Variants in C13orf46 observed in about 807,000 individuals in gnomAD.
The protein encoded by C13orf46 is chromosome 13 open reading frame 46, also known as uncharacterized protein C13orf46.
rs1250938423 is a variant in C13orf46 at position 113,969,562 on chromosome 13, G to A, written c.242+609C>T. On this transcript the variant is annotated intron_variant, in intron 2 of 6. Coordinates refer to ENST00000636427, the MANE Select transcript of C13orf46 (RefSeq NM_001365455.2). ...TCAACGGGAGCCATTTGTAAATAAG[G>A]GGGACTTGGCCCGTGCCTTGCCATG... 5.3e-5 allele frequency among the ~76,000 whole-genome samples: 8 copies of A among 152,366 alleles called. No individual in the cohort carries two copies. The East Asian group carries it at 1.5e-3, about 29-fold the overall frequency.
chr13:113,945,624 GAAAGAA>G, the C13orf46 span, among the ~76,000 whole-genome samples: 1 of 126,324 alleles, frequency 7.9e-6, no homozygotes, highest in Middle Eastern at 3.7e-3. Flanking sequence ...AAGAAAGAAA[GAAAGAA>G]AGAAAGAAAG....
intron 2 of C13orf46, among the ~76,000 whole-genome samples, chr13:113,969,601 G>A (rs1369608481): frequency 2.0e-5 from 3 of 152,328 alleles, no homozygotes; most frequent in East Asian, 1.9e-4. Flanking sequence ...CTGGTAAATC[G>A]ACTTTGTTAG....
At chr13:113,963,392 CCT>C (rs1167086659) in intron 6 of C13orf46, among the ~76,000 whole-genome samples, 5 of 142,544 alleles carry the variant, frequency 3.5e-5, no homozygotes, top group Non-Finnish European at 6.1e-5. Context: ...CAGCCTCGCC[CCT>C]GTCCTCAGCC....
the C13orf46 span, among the ~76,000 whole-genome samples, chr13:113,929,046 A>AAT: frequency 2.0e-5 from 3 of 152,212 alleles, no homozygotes; most frequent in Admixed American, 6.5e-5. Flanking sequence ...GTCAGGAGGT[A>AAT]ATAACCGCCA....
chr13:113,930,828 C>T, the C13orf46 span, among the ~76,000 whole-genome samples: 1 of 152,226 alleles, frequency 6.6e-6, no homozygotes, highest in Non-Finnish European at 1.5e-5. Flanking sequence ...TCCAGGGGCC[C>T]TCCCAGGGAG....
the C13orf46 span, among the ~76,000 whole-genome samples, chr13:113,935,612 T>A: frequency 5.6e-4 from 86 of 152,344 alleles, no homozygotes; most frequent in South Asian, 0.015. Context: ...TCTCTTGACA[T>A]CTCCCTGGAA....
At chr13:113,932,910 A>G in the C13orf46 span, among the ~76,000 whole-genome samples, 2 of 151,952 alleles carry the variant, frequency 1.3e-5, no homozygotes, top group Non-Finnish European at 2.9e-5. Context: ...TGTCAGCCAC[A>G]CTGGAGTGCA....
chr13:113,927,616 C>T, the C13orf46 span: 1 of 398,716 alleles, frequency 2.5e-6, no homozygotes, highest in Admixed American at 4.4e-5. Context: ...GTGAGCCTTG[C>T]TGGCCTGATG....
the C13orf46 span, among the ~76,000 whole-genome samples, chr13:113,937,075 T>C: frequency 2.6e-5 from 4 of 152,156 alleles, no homozygotes; most frequent in Non-Finnish European, 5.9e-5. Flanking sequence ...ATAAACTAAA[T>C]GTCTCCCAGA....
At chr13:113,950,684 T>G (rs896742416), downstream of C13orf46, among the ~76,000 whole-genome samples, 4 of 152,216 alleles carry the variant, frequency 2.6e-5, no homozygotes, top group Non-Finnish European at 4.4e-5. Context: ...TGCCCCTGTG[T>G]GCACCAGGGC....
At chr13:113,949,699 C>T (rs901549848), downstream of C13orf46, among the ~76,000 whole-genome samples, 1,675 of 152,376 alleles carry the variant, frequency 0.011, 16 homozygotes, top group Middle Eastern at 0.061. Flanking sequence ...CTCCCAGCCT[C>T]TGCCAGTCCT....
rs2052520664 is a variant in C13orf46, at chr13:113,955,547, CGTGGAGAGGAGGA to C, written c.*1213_*1225del. 5.4e-5 allele frequency: 1 copy of C among 18,480 alleles called. No homozygotes were observed. The highest frequency in any genetic ancestry group is 1.4e-4 in the African/African-American group (1 of 7,142). 1.1% of individuals were successfully genotyped at this position (18,480 alleles called of 1,614,324 possible). On this transcript the variant is annotated 3_prime_UTR_variant, in exon 7 of 7. Transcript: ENST00000636427. ...CATCTGGCGGAGACGAGGAGCATCT[CGTGGAGAGGAGGA>C]GCATCTCGTGGAGAGGAGGAGCATC...
chr13:113,947,799 G>A, the C13orf46 span, among the ~76,000 whole-genome samples: 6 of 152,196 alleles, frequency 3.9e-5, no homozygotes, highest in African/African-American at 1.2e-4. Context: ...GGCTGACCCC[G>A]TGACACTTCC....
At chr13:113,957,874 C>A (rs1482063542) in intron 6 of C13orf46, among the ~76,000 whole-genome samples, 47 of 148,890 alleles carry the variant, frequency 3.2e-4, no homozygotes, top group Non-Finnish European at 5.2e-4. Context: ...TGGGGGTCTC[C>A]CCTGCACTCC....
chr13:113,967,863 C>T (rs990479356), intron 4 of C13orf46, among the ~76,000 whole-genome samples: 1 of 152,186 alleles, frequency 6.6e-6, no homozygotes, highest in South Asian at 2.1e-4. Flanking sequence ...GGGATGTGAA[C>T]GGCTTCAGCG....
At chr13:113,947,687 C>T in the C13orf46 span, among the ~76,000 whole-genome samples, 60 of 152,282 alleles carry the variant, frequency 3.9e-4, no homozygotes, top group African/African-American at 1.4e-3. Flanking sequence ...TTCCACCTCC[C>T]GAGATTCCTT....
At chr13:113,930,749 C>G in the C13orf46 span, among the ~76,000 whole-genome samples, 1 of 152,350 alleles carries the variant, frequency 6.6e-6, no homozygotes, top group African/African-American at 2.4e-5. Flanking sequence ...GTGGGAGTAT[C>G]AACATCACCC....
At chr13:113,937,216 C>A in the C13orf46 span, among the ~76,000 whole-genome samples, 2 of 152,182 alleles carry the variant, frequency 1.3e-5, no homozygotes, top group Admixed American at 6.5e-5. Flanking sequence ...AAGGTGGGTT[C>A]ATGCCTGTGG....
At chr13:113,951,505 G>A (rs2052488550), downstream of C13orf46, among the ~76,000 whole-genome samples, 1 of 152,168 alleles carries the variant, frequency 6.6e-6, no homozygotes, top group African/African-American at 2.4e-5. Context: ...GCCCACTCGG[G>A]GGAGATCCCG....
Sources: gnomAD v4.1 joint callset for allele counts (sites outside exome capture counted in the v4.1 genomes callset) on GRCh38, gnomAD v4.1.1 for gene constraint, MANE v1.5 for transcripts, NCBI Gene and HGNC (gene_info 2026-07-23, HGNC 2026-07-21) for gene names.